Variants in PDZRN4 observed in about 807,000 individuals in gnomAD.
PDZRN4 encodes the protein PDZ domain containing ring finger 4, also known as PDZ domain-containing RING finger protein 4.
PDZRN4 carries 70 observed loss-of-function variants against 99.0 expected under a neutral mutation model. That is an observed-to-expected ratio of 0.71 (90% CI 0.58 to 0.86). The LOEUF (loss-of-function observed/expected upper bound fraction) is 0.86, where lower values mean the gene tolerates loss of function less well. Among genes scored for constraint, PDZRN4 ranks in the 40% least tolerant of loss-of-function variants. PDZRN4 has a pLI of 0.00. For synonymous variants in PDZRN4, 551 were observed against 501.6 expected, an observed-to-expected ratio of 1.10 and a Z score of -1.32; for missense variants, 1,474 against 1,331.2, an observed-to-expected ratio of 1.11 and a Z score of -1.67.
chr12:41,407,712 GAA>G (rs5797731), intron 3 of PDZRN4, among the ~76,000 whole-genome samples: 1,483 of 138,192 alleles, frequency 0.011, 13 homozygotes, highest in African/African-American at 0.024. Context: ...GTACAAAAGA[GAA>G]AAAAAAAAAA....
Position 41,452,768 on chromosome 12 carries a change from C to A in PDZRN4, c.844-53688C>A, listed in dbSNP as rs74078861. ...GTAATAGTATGTAACTAATTGTGAA[C>A]CTGAATATCCATAGTTGTTAATATT... On this transcript the variant is annotated intron_variant, in intron 3 of 9. Transcript: ENST00000402685. Among the ~76,000 whole-genome samples the A allele has an allele frequency of 3.9e-3, 598 of 152,194 alleles. 2 individuals carry two copies. The highest frequency in any genetic ancestry group is 0.014 in the African/African-American group (580 of 41,518).
intron 3 of PDZRN4, among the ~76,000 whole-genome samples, chr12:41,251,480 G>A (rs1173159293): frequency 6.6e-6 from 1 of 151,982 alleles, no homozygotes; most frequent in Non-Finnish European, 1.5e-5. Flanking sequence ...TTTGGTATTT[G>A]TTCTTACTTC....
chr12:41,341,023 G>A (rs1352580959), intron 3 of PDZRN4, among the ~76,000 whole-genome samples: 2 of 151,702 alleles, frequency 1.3e-5, no homozygotes, highest in African/African-American at 2.4e-5. Context: ...TATCACCAAG[G>A]GAGATTTATC....
chr12:41,515,990 C>T (rs1197408673), intron 5 of PDZRN4, among the ~76,000 whole-genome samples: 1 of 151,988 alleles, frequency 6.6e-6, no homozygotes, highest in Non-Finnish European at 1.5e-5. Context: ...CACAACAATA[C>T]TCAGAGGAAG....
At chr12:41,332,197 A>G (rs942005880) in intron 3 of PDZRN4, among the ~76,000 whole-genome samples, 2 of 152,140 alleles carry the variant, frequency 1.3e-5, no homozygotes, top group African/African-American at 4.8e-5. Context: ...TTAAGACGGC[A>G]GATGGTTACG....
intron 5 of PDZRN4, among the ~76,000 whole-genome samples, chr12:41,535,646 G>A (rs989531371): frequency 6.6e-6 from 1 of 152,194 alleles, no homozygotes; most frequent in African/African-American, 2.4e-5. Context: ...ATTGGACCAT[G>A]AGGGCTGTGT....
chr12:41,518,243 G>A (rs1030487599), intron 5 of PDZRN4, among the ~76,000 whole-genome samples: 2 of 151,974 alleles, frequency 1.3e-5, no homozygotes, highest in African/African-American at 4.8e-5. Context: ...ATCCAGTTCA[G>A]TGTAACTGAA....
Position 41,572,813 on chromosome 12 carries a change from T to G in PDZRN4, c.2034T>G (p.Leu678=), listed in dbSNP as rs145828119. 1.9e-6 allele frequency: 3 copies of G among 1,614,160 alleles called. No individual in the cohort carries two copies. Among genetic ancestry groups the G allele is most frequent in the South Asian group, 1.1e-5 (1 of 91,074 alleles). The change falls in exon 10 of 10, where the codon CTT becomes CTG. Residue 678 remains leucine (L), a synonymous_variant. Transcript: ENST00000402685. ...ATGAAGAACTGAGAAACATTGAGCT[T>G]GAGTGTCAGAATATCATGCAGGCTC... ...LLNEELRNIE[L]ECQNIMQAHR...
chr12:41,371,532 G>A (rs984094491), intron 3 of PDZRN4, among the ~76,000 whole-genome samples: 1 of 151,850 alleles, frequency 6.6e-6, no homozygotes, highest in South Asian at 2.1e-4. Flanking sequence ...TAAAATACTA[G>A]GTCCTAGATT....
chr12:41,525,580 G>T (rs547169567), intron 5 of PDZRN4, among the ~76,000 whole-genome samples: 13 of 152,154 alleles, frequency 8.5e-5, no homozygotes, highest in South Asian at 2.1e-4. Context: ...ATGGAATATA[G>T]ATATGTAAGA....
At chr12:41,464,431 C>CGAAT (rs1482994312) in intron 3 of PDZRN4, among the ~76,000 whole-genome samples, 2 of 152,214 alleles carry the variant, frequency 1.3e-5, no homozygotes, top group Non-Finnish European at 2.9e-5. Context: ...TGGAGTCAGT[C>CGAAT]ATTCATTCAA....
At chr12:41,298,915 A>T (rs996473136) in intron 3 of PDZRN4, among the ~76,000 whole-genome samples, 1 of 151,944 alleles carries the variant, frequency 6.6e-6, no homozygotes, top group African/African-American at 2.4e-5. Context: ...CTAAGGATTC[A>T]CTCTCTCATT....
chr12:41,326,703 C>T (rs1951711568), intron 3 of PDZRN4, among the ~76,000 whole-genome samples: 1 of 152,068 alleles, frequency 6.6e-6, no homozygotes, highest in South Asian at 2.1e-4. Flanking sequence ...ATATTTTCCT[C>T]CATGAAACCA....
At chr12:41,199,035 G>T (rs1950797384) in intron 3 of PDZRN4, among the ~76,000 whole-genome samples, 1 of 152,082 alleles carries the variant, frequency 6.6e-6, no homozygotes, top group Non-Finnish European at 1.5e-5. Flanking sequence ...TGTTAAAGCA[G>T]GAAAATTAAT....
intron 3 of PDZRN4, among the ~76,000 whole-genome samples, chr12:41,466,465 A>C (rs1952926673): frequency 6.6e-6 from 1 of 152,156 alleles, no homozygotes; most frequent in African/African-American, 2.4e-5. Context: ...AACTCAGTTA[A>C]GCTGTGTTAG....
chr12:41,236,562 G>A (rs966606886), intron 3 of PDZRN4, among the ~76,000 whole-genome samples: 2 of 152,084 alleles, frequency 1.3e-5, no homozygotes, highest in Admixed American at 1.3e-4. Flanking sequence ...GACTAAGAGA[G>A]AAGAAAGGTC....
At chr12:41,547,513 C>T (rs960896077) in intron 5 of PDZRN4, among the ~76,000 whole-genome samples, 1 of 152,068 alleles carries the variant, frequency 6.6e-6, no homozygotes, top group Non-Finnish European at 1.5e-5. Context: ...GTAATCCCAG[C>T]TACTAAGGAG....
chr12:41,310,649 G>C (rs1490180467), intron 3 of PDZRN4, among the ~76,000 whole-genome samples: 1 of 152,142 alleles, frequency 6.6e-6, no homozygotes, highest in Non-Finnish European at 1.5e-5. Context: ...TCTTGAGGAT[G>C]AAGGACAAAA....
intron 3 of PDZRN4, among the ~76,000 whole-genome samples, chr12:41,219,984 G>A (rs960468374): frequency 2.6e-5 from 4 of 152,040 alleles, no homozygotes; most frequent in African/African-American, 9.7e-5. Flanking sequence ...TTTCTGTAAA[G>A]GCAGAAAATG....
Sources: gnomAD v4.1 joint callset for allele counts (sites outside exome capture counted in the v4.1 genomes callset) on GRCh38, gnomAD v4.1.1 for gene constraint, MANE v1.5 for transcripts, NCBI Gene and HGNC (gene_info 2026-07-23, HGNC 2026-07-21) for gene names.